AP3S1: variants seen among roughly 807,000 people sequenced by gnomAD.
The protein encoded by AP3S1 is AP-3 complex subunit sigma-1.
In AP3S1, 12 loss-of-function variants were observed where a neutral mutation model predicts 21.3. The observed-to-expected ratio is 0.56, with a 90% confidence interval of 0.36 to 0.91. The LOEUF (loss-of-function observed/expected upper bound fraction) is 0.91, where lower values mean the gene tolerates loss of function less well. AP3S1 is among the 40% of genes least tolerant of loss of function. The pLI is 0.01. For missense variants in AP3S1, 116 were observed against 225.0 expected, an observed-to-expected ratio of 0.52 and a Z score of 3.10; for synonymous variants, 48 against 78.4, an observed-to-expected ratio of 0.61 and a Z score of 2.05.
At chr5:115,879,219 A>C (rs1163496806) in intron 3 of AP3S1, among the ~76,000 whole-genome samples, 1 of 152,198 alleles carries the variant, frequency 6.6e-6, no homozygotes, top group East Asian at 1.9e-4. Context: ...CCCTGGCCAG[A>C]ACTTCCAATA....
chr5:115,895,465 C>T (rs1750679858), intron 4 of AP3S1, among the ~76,000 whole-genome samples: 1 of 152,082 alleles, frequency 6.6e-6, no homozygotes, highest in Non-Finnish European at 1.5e-5. Context: ...GAGGAAACTA[C>T]ATTTAAACTG....
chr5:115,845,505 A>G (rs972651607), intron 1 of AP3S1, among the ~76,000 whole-genome samples: 2 of 152,112 alleles, frequency 1.3e-5, no homozygotes, highest in Non-Finnish European at 2.9e-5. Flanking sequence ...GCTAAACAGA[A>G]GTTTTGGTTC....
intron 5 of AP3S1, among the ~76,000 whole-genome samples, chr5:115,906,118 A>G (rs942458748): frequency 1.3e-4 from 20 of 152,376 alleles, no homozygotes; most frequent in Non-Finnish European, 2.5e-4. Context: ...ATATTGCACC[A>G]CTGCACTCCA....
intron 1 of AP3S1, 128 bp from the exon 2 acceptor site, chr5:115,866,542 C>G: frequency 2.0e-6 from 1 of 491,460 alleles, no homozygotes; most frequent in Admixed American, 4.3e-5. Flanking sequence ...ATTTAAGTCA[C>G]TTCTCCAAGG....
At chr5:115,871,347 A>G (rs154756) in intron 3 of AP3S1, among the ~76,000 whole-genome samples, 29,019 of 152,064 alleles carry the variant, frequency 0.19, 3,130 homozygotes, top group Middle Eastern at 0.26. Flanking sequence ...TGGTGATTCC[A>G]TTGTTCATAT....
chr5:115,902,055 ACAGACT>A (rs1347903506), intron 4 of AP3S1, among the ~76,000 whole-genome samples: 2 of 152,300 alleles, frequency 1.3e-5, no homozygotes, highest in Admixed American at 6.5e-5. Context: ...AAATAAGGTA[ACAGACT>A]CAGAGAGCTG....
intron 1 of AP3S1, among the ~76,000 whole-genome samples, chr5:115,860,784 A>T (rs536430557): frequency 6.6e-6 from 1 of 152,126 alleles, no homozygotes; most frequent in East Asian, 1.9e-4. Flanking sequence ...GCCCTTTAAT[A>T]TTGTCTTAGC....
chr5:115,852,877 A>C (rs1188683268), intron 1 of AP3S1: 3 of 329,210 alleles, frequency 9.1e-6, no homozygotes, highest in East Asian at 8.1e-5. Context: ...TTATCAATTG[A>C]TGGACATCTG....
At position 115,869,408 on chromosome 5, in the gene AP3S1, C is replaced by G. The variant is rs143339012; in HGVS notation, c.162-609C>G. On this transcript the variant is annotated intron_variant, in intron 2 of 5. Transcript: ENST00000316788. The stretch of plus-strand genomic sequence containing the variant: ...TGGAGTTAAATCTAGTAAGCACTTA[C>G]AAATGCCCCATGATCTAATTTCCGC... 2.5e-3 allele frequency among the ~76,000 whole-genome samples: 387 copies of G among 152,282 alleles called. 1 individual carries two copies. The highest frequency in any genetic ancestry group is 8.5e-3 in the African/African-American group (354 of 41,560).
intron 3 of AP3S1, 62 bp downstream of exon 3, chr5:115,870,190 CTT>C (rs1449152084): frequency 2.8e-5 from 28 of 998,116 alleles, no homozygotes; most frequent in South Asian, 2.8e-4. Flanking sequence ...TTTTTAAAAA[CTT>C]ATATATTCTA....
intron 1 of AP3S1, among the ~76,000 whole-genome samples, chr5:115,865,080 T>C (rs1342391320): frequency 2.0e-5 from 3 of 151,856 alleles, no homozygotes; most frequent in Admixed American, 6.6e-5. Context: ...ATATCAAGTA[T>C]GCCTGCCTCT....
At chr5:115,842,466 A>C in intron 1 of AP3S1, 1 of 188,220 alleles carries the variant, frequency 5.3e-6, no homozygotes, top group Non-Finnish European at 1.1e-5. Flanking sequence ...CCAAGAGCCC[A>C]CCCCGCGCGG....
chr5:115,892,069 A>G (rs1158126560), intron 3 of AP3S1, among the ~76,000 whole-genome samples: 1 of 152,250 alleles, frequency 6.6e-6, no homozygotes, highest in Non-Finnish European at 1.5e-5. Context: ...AAGGTGTTCA[A>G]CATCATTGAT....
chr5:115,852,830 T>G (rs1348466304), intron 1 of AP3S1: 1 of 207,052 alleles, frequency 4.8e-6, no homozygotes, highest in Non-Finnish European at 1.0e-5. Context: ...TATTTTAGTA[T>G]GGGGAAATAT....
chr5:115,898,883 G>T (rs1228478983), intron 4 of AP3S1: 3 of 152,234 alleles, frequency 2.0e-5, no homozygotes, highest in African/African-American at 7.2e-5. Context: ...TTTGCTGGGG[G>T]AGCTGCTGAG....
chr5:115,886,602 G>A (rs116055479), intron 3 of AP3S1, among the ~76,000 whole-genome samples: 1,976 of 152,082 alleles, frequency 0.013, 39 homozygotes, highest in African/African-American at 0.046. Flanking sequence ...TTATGTTATC[G>A]GTAAGGCTTC....
chr5:115,864,169 T>G (rs1763424032), intron 1 of AP3S1, among the ~76,000 whole-genome samples: 1 of 152,200 alleles, frequency 6.6e-6, no homozygotes, highest in Admixed American at 6.5e-5. Context: ...CCCTGAGCCT[T>G]GAAGGGAAAA....
At chr5:115,881,634 ATTT>A (rs753953116) in intron 3 of AP3S1, among the ~76,000 whole-genome samples, 3 of 151,684 alleles carry the variant, frequency 2.0e-5, no homozygotes, top group Non-Finnish European at 2.9e-5. Flanking sequence ...TACCTTTAAC[ATTT>A]TTTCCTTCAT....
chr5:115,889,549 A>T (rs1750097204), intron 3 of AP3S1, among the ~76,000 whole-genome samples: 1 of 152,214 alleles, frequency 6.6e-6, no homozygotes, highest in Admixed American at 6.5e-5. Context: ...GAAAACTGAA[A>T]AATTGGATTT....
Sources: gnomAD v4.1 joint callset for allele counts (sites outside exome capture counted in the v4.1 genomes callset) on GRCh38, gnomAD v4.1.1 for gene constraint, MANE v1.5 for transcripts, NCBI Gene and HGNC (gene_info 2026-07-23, HGNC 2026-07-21) for gene names.